Variants in KIAA0930 observed in about 807,000 individuals in gnomAD.
KIAA0930 encodes uncharacterized protein KIAA0930.
KIAA0930 carries 24 observed loss-of-function variants against 43.9 expected under a neutral mutation model. That is an observed-to-expected ratio of 0.55 (90% CI 0.40 to 0.77). The LOEUF (loss-of-function observed/expected upper bound fraction) is 0.77, where lower values mean the gene tolerates loss of function less well. Among genes scored for constraint, KIAA0930 ranks in the 30% least tolerant of loss-of-function variants. The probability of loss-of-function intolerance (pLI) is 0.00; values close to 1 mark genes in which losing one functional copy is unlikely to be tolerated. For missense variants in KIAA0930, 461 were observed against 574.2 expected, an observed-to-expected ratio of 0.80 and a Z score of 2.02; for synonymous variants, 259 against 216.4, an observed-to-expected ratio of 1.20 and a Z score of -1.73.
Position 45,205,254 on chromosome 22 carries a change from T to A in KIAA0930, c.479A>T (p.Tyr160Phe), listed in dbSNP as rs2083626017. 6.2e-7 allele frequency: 1 copy of A among 1,614,058 alleles called. No homozygotes were observed. Among genetic ancestry groups the A allele is most frequent in the Non-Finnish European group, 8.5e-7 (1 of 1,179,968 alleles). ...GTCAATCATGAAGAAGATGTTGGGG[T>A]AGCTGATCTTGGACTCCTCCCCCTT... is the stretch of plus-strand genomic sequence containing the variant. ...DSKGEESKIS[Y>F]PNIFFMIDSF... Residue 160 changes from tyrosine (Y) to phenylalanine (F), a missense_variant, in exon 5 of 10, where the codon TAC becomes TTC. Coordinates refer to ENST00000336156, the MANE Select transcript of KIAA0930 (RefSeq NM_001009880.2).
chr22:45,239,473 C>T (rs2083904620), intron 1 of KIAA0930, among the ~76,000 whole-genome samples: 1 of 152,204 alleles, frequency 6.6e-6, no homozygotes, highest in African/African-American at 2.4e-5. Context: ...AAAGGCTCGC[C>T]TGGGCAGGCT....
intron 1 of KIAA0930, among the ~76,000 whole-genome samples, chr22:45,224,186 A>G (rs1028986653): frequency 1.3e-5 from 2 of 152,230 alleles, no homozygotes; most frequent in African/African-American, 2.4e-5. Context: ...TTATACCTGA[A>G]TACTTAAATG....
chr22:45,218,763 G>A (rs1025918646), intron 1 of KIAA0930, among the ~76,000 whole-genome samples: 1 of 152,062 alleles, frequency 6.6e-6, no homozygotes, highest in African/African-American at 2.4e-5. Context: ...GAAACTAAGC[G>A]AACCCGGGGG....
chr22:45,223,360 C>T (rs1298355929), intron 1 of KIAA0930, among the ~76,000 whole-genome samples: 3 of 152,168 alleles, frequency 2.0e-5, no homozygotes, highest in Non-Finnish European at 4.4e-5. Context: ...CTGGAGCCTG[C>T]GGAAGAGAAG....
At chr22:45,224,235 G>A (rs1383207318) in intron 1 of KIAA0930, among the ~76,000 whole-genome samples, 1 of 152,226 alleles carries the variant, frequency 6.6e-6, no homozygotes, top group East Asian at 1.9e-4. Context: ...TAGGAGGAAA[G>A]ACTGAAGGAA....
intron 2 of KIAA0930, among the ~76,000 whole-genome samples, chr22:45,210,755 T>C (rs1164884539): frequency 6.6e-6 from 1 of 151,816 alleles, no homozygotes; most frequent in African/African-American, 2.4e-5. Context: ...AAGCATTCCC[T>C]GCCTGCCCGA....
At chr22:45,224,227 G>A (rs534665967) in intron 1 of KIAA0930, among the ~76,000 whole-genome samples, 4 of 152,286 alleles carry the variant, frequency 2.6e-5, no homozygotes, top group Admixed American at 1.3e-4. Flanking sequence ...AAAATGCCTA[G>A]GAGGAAAGAC....
At chr22:45,221,586 A>G (rs2083767971) in intron 1 of KIAA0930, among the ~76,000 whole-genome samples, 1 of 151,258 alleles carries the variant, frequency 6.6e-6, no homozygotes, top group Non-Finnish European at 1.5e-5. Context: ...AATGGCATAT[A>G]TGACATAATA....
intron 2 of KIAA0930, among the ~76,000 whole-genome samples, chr22:45,210,503 G>C (rs1221993263): frequency 6.6e-6 from 1 of 152,154 alleles, no homozygotes; most frequent in African/African-American, 2.4e-5. Flanking sequence ...GTCCAGAATG[G>C]GAGGGCCCTC....
chr22:45,238,013 C>T (rs953239764), intron 1 of KIAA0930, among the ~76,000 whole-genome samples: 5 of 152,008 alleles, frequency 3.3e-5, no homozygotes, highest in African/African-American at 4.8e-5. Flanking sequence ...CTCCGCCTCC[C>T]GGGTTCACAC....
chr22:45,212,645 C>A (rs1219705185), intron 1 of KIAA0930, among the ~76,000 whole-genome samples: 2 of 152,292 alleles, frequency 1.3e-5, no homozygotes, highest in African/African-American at 2.4e-5. Flanking sequence ...CGCCCCACCC[C>A]TGCCCCACGT....
intron 1 of KIAA0930, among the ~76,000 whole-genome samples, chr22:45,221,484 C>T (rs1186716756): frequency 2.0e-5 from 3 of 152,172 alleles, no homozygotes; most frequent in East Asian, 1.9e-4. Flanking sequence ...TATGTTTTCA[C>T]GCAGATGCCC....
intron 3 of KIAA0930, 23 bp downstream of exon 3, chr22:45,205,770 G>GCCGCC: frequency 6.6e-7 from 1 of 1,523,786 alleles, no homozygotes; most frequent in Non-Finnish European, 9.1e-7. Flanking sequence ...CCAATCCGCA[G>GCCGCC]CCCCACCCAT....
At chr22:45,208,502 G>C (rs1188841187) in intron 2 of KIAA0930, among the ~76,000 whole-genome samples, 1 of 151,894 alleles carries the variant, frequency 6.6e-6, no homozygotes, top group Non-Finnish European at 1.5e-5. Flanking sequence ...CGAGCTGTAA[G>C]AACAGGCAGA....
chr22:45,211,604 G>C (rs2083693916), intron 2 of KIAA0930, among the ~76,000 whole-genome samples: 1 of 152,172 alleles, frequency 6.6e-6, no homozygotes, highest in Non-Finnish European at 1.5e-5. Flanking sequence ...CCAAGGGAGG[G>C]CCCTGGGCTC....
Position 45,229,229 on chromosome 22 carries a change from A to G in KIAA0930, c.64+11411T>C, listed in dbSNP as rs371747100. On this transcript the variant is annotated intron_variant, in intron 1 of 9. Coordinates refer to ENST00000336156, the MANE Select transcript of KIAA0930 (RefSeq NM_001009880.2). ...CCCCCACCACCAAACACTCACCCGA[A>G]AGATCCCTCTCCACCCCCCAACCAC... Among the ~76,000 whole-genome samples the G allele has an allele frequency of 2.2e-3, 45 of 20,670 alleles. 13 individuals carry two copies. The East Asian group carries it at 0.022, about 10-fold the overall frequency. 13.6% of individuals were successfully genotyped at this position (20,670 alleles called of 152,430 possible). A position where few individuals can be genotyped will look rare whatever the true frequency, so the allele number is the denominator to read the frequency against.
chr22:45,217,521 T>G lies in KIAA0930; in HGVS notation c.65-5414A>C, dbSNP rs1601819707. On this transcript the variant is annotated intron_variant, in intron 1 of 9. Coordinates refer to ENST00000336156, the MANE Select transcript of KIAA0930 (RefSeq NM_001009880.2). ...ATCACAGCCATCTTGTGCCTGGGAC[T>G]AGATAGCATCTCAGCCCAGGGCCAT... Among the ~76,000 whole-genome samples the G allele has an allele frequency of 2.0e-5, 3 of 152,186 alleles. No homozygotes were observed. In the East Asian group the frequency reaches 5.8e-4, roughly 29 times the overall value.
rs893236256 is a variant in KIAA0930 at position 45,193,526 on chromosome 22, A to G, written c.*3650T>C. On this transcript the variant is annotated 3_prime_UTR_variant, in exon 10 of 10. Coordinates refer to ENST00000336156, the MANE Select transcript of KIAA0930 (RefSeq NM_001009880.2). ...CAGATCCTGGTTTGAGTGCAGGTAC[A>G]TTCTTTGGGGGAGGGCACCTCAGGA... 6.6e-6 allele frequency: 1 copy of G among 152,180 alleles called. No homozygotes were observed. The highest frequency in any genetic ancestry group is 1.5e-5 in the Non-Finnish European group (1 of 68,038). The allele number at this position is 152,180 out of a possible 1,614,324, so 9.4% of individuals were successfully genotyped here.
Position 45,197,643 on chromosome 22 carries a change from A to G in KIAA0930, c.1174+147T>C. The G allele has an allele frequency of 7.7e-6, 6 of 774,612 alleles. No individual in the cohort carries two copies. The South Asian group carries it at 1.0e-4, about 13-fold the overall frequency. The allele number at this position is 774,612 out of a possible 1,614,324, so 48.0% of individuals were successfully genotyped here. ...GCTACGGCTCCACCCAAAGTCTGAG[A>G]CAAAGAGGCCAAGAGCCCTGCAAAG... On this transcript the variant is annotated intron_variant, in intron 9 of 9. Coordinates refer to ENST00000336156, the MANE Select transcript of KIAA0930 (RefSeq NM_001009880.2).
Sources: allele counts gnomAD v4.1 joint callset (sites outside exome capture counted in the v4.1 genomes callset), GRCh38; gene constraint gnomAD v4.1.1; transcripts MANE v1.5; gene names NCBI Gene and HGNC (gene_info 2026-07-23, HGNC 2026-07-21).